The following ABHD6 variants were observed in gnomAD, a reference collection of about 807,000 sequenced individuals.
ABHD6 encodes the protein monoacylglycerol lipase ABHD6.
In ABHD6, 33 loss-of-function variants were observed where a neutral mutation model predicts 38.8. The observed-to-expected ratio is 0.85, with a 90% CI of 0.64 to 1.14. The LOEUF is 1.14. Among genes scored for constraint, ABHD6 ranks in the 50% most tolerant of loss-of-function variants. The pLI is 0.00. For synonymous variants in ABHD6, 147 were observed against 161.6 expected (o/e 0.91, Z 0.69); for missense variants, 380 against 422.6 (o/e 0.90, Z 0.88).
rs1487807531 is a variant in ABHD6 at position 58,265,734 on chromosome 3, G to A, written c.120-1455G>A. ...TTGTTCTGGAGGTTGGGAAGCCCAAGAGAATGGCACCAATATCTGGCAAGG... is the reference window on the plus strand; with the variant it reads ...TTGTTCTGGAGGTTGGGAAGCCCAAAAGAATGGCACCAATATCTGGCAAGG... On this transcript the variant is annotated intron_variant, in intron 3 of 9. Coordinates refer to ENST00000478253, the MANE Select transcript of ABHD6 (RefSeq NM_001320126.2). The surrounding 1 kb of genome is among the most constrained non-coding windows in gnomAD (Gnocchi z 4.2). 6.6e-6 allele frequency among the ~76,000 whole-genome samples: 1 copy of A among 152,206 alleles called. No homozygotes were observed. The highest frequency in any genetic ancestry group is 1.5e-5 in the Non-Finnish European group (1 of 68,044).
Position 58,263,706 on chromosome 3 carries a change from C to T in ABHD6, c.120-3483C>T, listed in dbSNP as rs1217421800. ...ATCCAGTAGTCTGCTGAAGTTTCACCTTTTCCACCAGGTCCTTCCAGCTCT... is the reference window on the plus strand; with the variant it reads ...ATCCAGTAGTCTGCTGAAGTTTCACTTTTTCCACCAGGTCCTTCCAGCTCT... On this transcript the variant is annotated intron_variant, in intron 3 of 9. Transcript: ENST00000478253. This position sits in a 1 kb window ranked among gnomAD's most constrained non-coding sequence, Gnocchi z 4.9. 2.0e-5 allele frequency among the ~76,000 whole-genome samples: 3 copies of T among 152,228 alleles called. No homozygotes were observed. Among genetic ancestry groups the T allele is most frequent in the African/African-American group, 7.2e-5 (3 of 41,454 alleles).
intron 7 of ABHD6, among the ~76,000 whole-genome samples, chr3:58,275,788 C>T (rs1445267494): frequency 6.6e-6 from 1 of 152,144 alleles, no homozygotes; most frequent in African/African-American, 2.4e-5. Flanking sequence ...TGCTATCCTT[C>T]CCCCAGCCCC....
At chr3:58,279,728 C>T (rs991208191) in intron 7 of ABHD6, among the ~76,000 whole-genome samples, 4 of 152,110 alleles carry the variant, frequency 2.6e-5, no homozygotes, top group Admixed American at 2.0e-4. Context: ...TGGCTCATAC[C>T]GGTTGTTCCT....
At chr3:58,281,608 C>G (rs537511442) in intron 7 of ABHD6, among the ~76,000 whole-genome samples, 63 of 152,342 alleles carry the variant, frequency 4.1e-4, no homozygotes, top group Non-Finnish European at 7.1e-4. Flanking sequence ...CACCCACTGT[C>G]CAACCAGTCC....
intron 7 of ABHD6, among the ~76,000 whole-genome samples, chr3:58,280,883 G>C (rs2097452617): frequency 6.6e-6 from 1 of 152,280 alleles, no homozygotes; most frequent in Non-Finnish European, 1.5e-5. Context: ...TTTGCTGGAG[G>C]TCCGCTCCAG....
rs1172580029 is a variant in ABHD6 at position 58,287,372 on chromosome 3, G to A, written c.837+1919G>A. 6.6e-6 allele frequency among the ~76,000 whole-genome samples: 1 copy of A among 152,014 alleles called. No individual in the cohort carries two copies. The highest frequency in any genetic ancestry group is 1.5e-5 in the Non-Finnish European group (1 of 67,878). Reference sequence around the variant, plus strand: ...TTTTTAACTGGCAGGAGGTCACACTGTGGCCACAAAGACCCACAAGTGCAT... The same window carrying A: ...TTTTTAACTGGCAGGAGGTCACACTATGGCCACAAAGACCCACAAGTGCAT... On this transcript the variant is annotated intron_variant, in intron 9 of 9. Transcript: ENST00000478253. The surrounding 1 kb of genome is among the most constrained non-coding windows in gnomAD (Gnocchi z 4.7).
At chr3:58,278,204 G>C (rs1195249596) in intron 7 of ABHD6, among the ~76,000 whole-genome samples, 17 of 152,200 alleles carry the variant, frequency 1.1e-4, no homozygotes, top group Admixed American at 1.1e-3. Flanking sequence ...ACCTCTGGTA[G>C]AATTCGCCTG....
In ABHD6 at chr3:58,293,238, C is replaced by G. The variant is rs1018297549; in HGVS notation, c.838-351C>G. ...GCTCCTCCCCTGTCCCCTTTCTGCT[C>G]TCCCGGGACTCAGGAACGAGGTCTT... On this transcript the variant is annotated intron_variant, in intron 9 of 9. Transcript: ENST00000478253. This position sits in a 1 kb window ranked among gnomAD's most constrained non-coding sequence, Gnocchi z 4.4. Among the ~76,000 whole-genome samples the G allele has an allele frequency of 2.0e-5, 3 of 152,160 alleles. No homozygotes were observed. Among genetic ancestry groups the G allele is most frequent in the African/African-American group, 4.8e-5 (2 of 41,440 alleles).
Position 58,256,433 on chromosome 3 carries a change from G to T in ABHD6, c.-25-129G>T. On this transcript the variant is annotated intron_variant, in intron 2 of 9. Coordinates refer to ENST00000478253, the MANE Select transcript of ABHD6 (RefSeq NM_001320126.2). This position sits in a 1 kb window ranked among gnomAD's most constrained non-coding sequence, Gnocchi z 4.3. The stretch of plus-strand genomic sequence containing the variant: ...CTATTTGGTTTTTTGTAAAGCACTT[G>T]CCTGCTTTGGTTTCCTCCTGTTCTT... The T allele has an allele frequency of 3.7e-6, 2 of 538,420 alleles. No homozygotes were observed. Among genetic ancestry groups the T allele is most frequent in the South Asian group, 2.8e-5 (1 of 36,304 alleles). 33.4% of individuals were successfully genotyped at this position (538,420 alleles called of 1,614,324 possible). A position where few individuals can be genotyped will look rare whatever the true frequency, so the allele number is the denominator to read the frequency against.
intron 9 of ABHD6, among the ~76,000 whole-genome samples, chr3:58,289,657 C>T (rs1394640034): frequency 1.3e-5 from 2 of 152,222 alleles, no homozygotes; most frequent in Non-Finnish European, 2.9e-5. Flanking sequence ...ACACGGCAAC[C>T]ATCCGATTTC....
intron 9 of ABHD6, among the ~76,000 whole-genome samples, chr3:58,292,578 T>G (rs2107485859): frequency 6.6e-6 from 1 of 152,176 alleles, no homozygotes; most frequent in African/African-American, 2.4e-5. Context: ...CTGCAGAGGT[T>G]AGAGCCAAGA....
chr3:58,242,205 A>T (rs1307219857), intron 1 of ABHD6, among the ~76,000 whole-genome samples: 5 of 152,108 alleles, frequency 3.3e-5, no homozygotes, highest in Non-Finnish European at 5.9e-5. Context: ...GAGGGCAGGC[A>T]ATAGGCAGGT....
At chr3:58,274,867 G>T in intron 7 of ABHD6, 52 bp downstream of exon 7, 2 of 1,580,498 alleles carry the variant, frequency 1.3e-6, no homozygotes, top group Non-Finnish European at 1.7e-6. Context: ...GCCCGGGGGC[G>T]AGTACCAGCT....
chr3:58,293,172 G>A lies in ABHD6; in HGVS notation c.838-417G>A, dbSNP rs1364055036. 6.6e-6 allele frequency among the ~76,000 whole-genome samples: 1 copy of A among 151,916 alleles called. No homozygotes were observed. Among genetic ancestry groups the A allele is most frequent in the Non-Finnish European group, 1.5e-5 (1 of 67,986 alleles). On this transcript the variant is annotated intron_variant, in intron 9 of 9. Coordinates refer to ENST00000478253, the MANE Select transcript of ABHD6 (RefSeq NM_001320126.2). This position sits in a 1 kb window ranked among gnomAD's most constrained non-coding sequence, Gnocchi z 4.4. ...GTGCTCCTTGGTGGCCCCTGCACTC[G>A]CCATGATCTCCCACCCTGTGCCATT...
In ABHD6 at chr3:58,263,167, C is replaced by T. The variant is rs142470303; in HGVS notation, c.120-4022C>T. On this transcript the variant is annotated intron_variant, in intron 3 of 9. Transcript: ENST00000478253. The surrounding 1 kb of genome is among the most constrained non-coding windows in gnomAD (Gnocchi z 4.9). ...AGGTTGCAGTGAGCCGAGATCATGCCACTGCATTCCAGCCTGGGCAACAGA... is the reference window on the plus strand; with the variant it reads ...AGGTTGCAGTGAGCCGAGATCATGCTACTGCATTCCAGCCTGGGCAACAGA... 2.0e-3 allele frequency among the ~76,000 whole-genome samples: 309 copies of T among 152,148 alleles called. 2 individuals are homozygous for T. The highest frequency in any genetic ancestry group is 7.2e-3 in the African/African-American group (297 of 41,508).
intron 1 of ABHD6, among the ~76,000 whole-genome samples, chr3:58,248,839 C>T (rs2097428168): frequency 6.6e-6 from 1 of 152,220 alleles, no homozygotes; most frequent in Non-Finnish European, 1.5e-5. Context: ...TCTATTTTTC[C>T]ATAGCCTCAG....
At chr3:58,250,886 G>A (rs952697251) in intron 2 of ABHD6, among the ~76,000 whole-genome samples, 1 of 152,142 alleles carries the variant, frequency 6.6e-6, no homozygotes, top group Non-Finnish European at 1.5e-5. Context: ...ATCAGGCAGT[G>A]TAGTTTGTTT....
intron 1 of ABHD6, among the ~76,000 whole-genome samples, chr3:58,244,983 A>C (rs1023053945): frequency 1.3e-5 from 2 of 152,000 alleles, no homozygotes; most frequent in African/African-American, 2.4e-5. Context: ...TGGGAAGGAG[A>C]TTCTGGCTAG....
chr3:58,280,788 C>G (rs2097452523), intron 7 of ABHD6, among the ~76,000 whole-genome samples: 1 of 151,056 alleles, frequency 6.6e-6, no homozygotes. Context: ...TGTAGATGTC[C>G]TTTTTGTTAA....
Sources: gnomAD v4.1 joint callset for allele counts (sites outside exome capture counted in the v4.1 genomes callset) on GRCh38, gnomAD v4.1.1 for gene constraint, Gnocchi (gnomAD v3.1) non-coding constraint, MANE v1.5 for transcripts, NCBI Gene and HGNC (gene_info 2026-07-23, HGNC 2026-07-21) for gene names.